ZNF791: variants seen among roughly 807,000 people sequenced by gnomAD.
The protein encoded by ZNF791 is zinc finger protein 791.
A neutral mutation model predicts 11.5 loss-of-function variants in ZNF791; 4 were observed. That is an observed-to-expected ratio of 0.35 (90% CI 0.17 to 0.80). The LOEUF (loss-of-function observed/expected upper bound fraction) is 0.80. Among genes scored for constraint, ZNF791 ranks in the 30% least tolerant of loss-of-function variants. The pLI, the probability that ZNF791 is intolerant of heterozygous loss-of-function variation, is 0.53. For missense variants in ZNF791, 559 were observed against 699.4 expected, an observed-to-expected ratio of 0.80 and a Z score of 2.26; for synonymous variants, 212 against 228.1, an observed-to-expected ratio of 0.93 and a Z score of 0.64.
chr19:12,614,892 C>CGTTTTTT (rs1191586602), intron 1 of ZNF791, among the ~76,000 whole-genome samples: 4 of 17,548 alleles, frequency 2.3e-4, no homozygotes, highest in Non-Finnish European at 3.9e-4. Flanking sequence ...TGCGTCCGGC[C>CGTTTTTT]TTTTTTTTTT....
chr19:12,612,182 A>G, intron 1 of ZNF791: 1 of 877,466 alleles, frequency 1.1e-6, no homozygotes, highest in Non-Finnish European at 1.4e-6. Flanking sequence ...TGCCATGGAA[A>G]TAATTAACTG....
chr19:12,622,368 A>T (rs28861834), intron 1 of ZNF791, among the ~76,000 whole-genome samples: 2 of 141,698 alleles, frequency 1.4e-5, no homozygotes, highest in South Asian at 2.1e-4. Flanking sequence ...AAATTAAAAA[A>T]AATAATAAAT....
intron 1 of ZNF791, among the ~76,000 whole-genome samples, chr19:12,622,457 C>T (rs1169264182): frequency 4.0e-5 from 5 of 125,914 alleles, no homozygotes; most frequent in Non-Finnish European, 8.2e-5. Context: ...AATCCCATAT[C>T]TTAAGGAATG....
intron 1 of ZNF791, among the ~76,000 whole-genome samples, chr19:12,614,040 C>T (rs920802760): frequency 2.6e-5 from 4 of 152,080 alleles, no homozygotes; most frequent in African/African-American, 9.7e-5. Context: ...AATTGGGGAG[C>T]TCATTTGCAT....
chr19:12,627,671 T>TA, intron 3 of ZNF791, 50 bp from the exon 4 acceptor site: 1 of 1,457,716 alleles, frequency 6.9e-7, no homozygotes, highest in Non-Finnish European at 9.3e-7. Context: ...ATAATACATA[T>TA]AAAATCATTA....
chr19:12,619,676 C>T (rs936796490), intron 1 of ZNF791, among the ~76,000 whole-genome samples: 23 of 151,478 alleles, frequency 1.5e-4, no homozygotes, highest in Admixed American at 2.6e-4. Flanking sequence ...CTCTCGATCT[C>T]CTGACCTCAT....
At chr19:12,625,584 A>G (rs542255550) in intron 3 of ZNF791, among the ~76,000 whole-genome samples, 11 of 150,920 alleles carry the variant, frequency 7.3e-5, no homozygotes, top group African/African-American at 2.7e-4. Context: ...CAGGAGATCA[A>G]GACCAGTCTG....
At chr19:12,622,362 TAAAA>T (rs777973482) in intron 1 of ZNF791, among the ~76,000 whole-genome samples, 1 of 71,734 alleles carries the variant, frequency 1.4e-5, no homozygotes, top group Admixed American at 1.7e-4. Context: ...AAAAATAAAT[TAAAA>T]AAAATAATAA....
At chr19:12,622,889 G>A (rs1457089690) in intron 1 of ZNF791, among the ~76,000 whole-genome samples, 3 of 115,302 alleles carry the variant, frequency 2.6e-5, no homozygotes, top group African/African-American at 9.6e-5. Context: ...GTGAGACTCC[G>A]TCTCAAAAAA....
intron 1 of ZNF791, among the ~76,000 whole-genome samples, chr19:12,617,939 C>CA (rs2023272000): frequency 8.5e-6 from 1 of 118,126 alleles, no homozygotes; most frequent in Admixed American, 1.0e-4. Flanking sequence ...TTTTTTGAGA[C>CA]AGAGTTTCGT....
At chr19:12,620,750 T>C (rs1244694006) in intron 1 of ZNF791, among the ~76,000 whole-genome samples, 4 of 138,062 alleles carry the variant, frequency 2.9e-5, no homozygotes, top group Admixed American at 7.6e-5. Context: ...AGGGGATTTA[T>C]GTTCTTTTTT....
intron 1 of ZNF791, 131 bp downstream of exon 1, chr19:12,611,213 C>A: frequency 8.0e-7 from 1 of 1,252,878 alleles, no homozygotes; most frequent in Non-Finnish European, 1.1e-6. Context: ...CCCGTCCCTG[C>A]GCGGCGACTG....
intron 2 of ZNF791, 45 bp from the exon 3 acceptor site, chr19:12,624,605 T>C: frequency 1.4e-6 from 2 of 1,397,348 alleles, no homozygotes; most frequent in Non-Finnish European, 2.0e-6. Context: ...AATATTTGTA[T>C]AATTTTTAAT....
intron 3 of ZNF791, among the ~76,000 whole-genome samples, chr19:12,625,449 A>G (rs933109704): frequency 2.6e-5 from 4 of 151,956 alleles, no homozygotes; most frequent in Non-Finnish European, 5.9e-5. Context: ...ATGTTTACCA[A>G]AAATGTTTTC....
chr19:12,624,509 TGTTCCGAG>T, intron 2 of ZNF791, 133 bp from the exon 3 acceptor site: 1 of 613,144 alleles, frequency 1.6e-6, no homozygotes, highest in Middle Eastern at 4.7e-4. Flanking sequence ...TCATAATCAC[TGTTCCGAG>T]ATTTGGAATC....
At chr19:12,626,281 C>T (rs1163498732) in intron 3 of ZNF791, among the ~76,000 whole-genome samples, 1 of 152,000 alleles carries the variant, frequency 6.6e-6, no homozygotes, top group African/African-American at 2.4e-5. Context: ...TCCCAAAGTG[C>T]TGGGATTACA....
rs566579920 is a variant in ZNF791 at position 12,623,533 on chromosome 19, G to A, written c.4-167G>A. ...TAGGACTTACAGTGACCACAGTGAAGATGTAGCTATAAGTTTATGTGTTCA... is the reference window on the plus strand; with the variant it reads ...TAGGACTTACAGTGACCACAGTGAAAATGTAGCTATAAGTTTATGTGTTCA... On this transcript the variant is annotated intron_variant, in intron 1 of 3. Transcript: ENST00000343325. The A allele has an allele frequency of 1.7e-5, 13 of 772,150 alleles. No homozygotes were observed. In the East Asian group the frequency reaches 2.4e-4, roughly 14 times the overall value. The allele number at this position is 772,150 out of a possible 1,614,324, so 47.8% of individuals were successfully genotyped here.
intron 1 of ZNF791, chr19:12,623,289 C>T (rs748493044): frequency 3.4e-5 from 6 of 176,270 alleles, no homozygotes; most frequent in Non-Finnish European, 7.2e-5. Context: ...TCCTGTAGTC[C>T]CAGCTACTCA....
At chr19:12,617,360 G>A (rs1007361810) in intron 1 of ZNF791, among the ~76,000 whole-genome samples, 10 of 151,946 alleles carry the variant, frequency 6.6e-5, no homozygotes, top group African/African-American at 2.2e-4. Flanking sequence ...TCCTGACCTC[G>A]TGATCCGCCC....
Sources: gnomAD v4.1 joint callset for allele counts (sites outside exome capture counted in the v4.1 genomes callset) on GRCh38, gnomAD v4.1.1 for gene constraint, MANE v1.5 for transcripts, NCBI Gene and HGNC (gene_info 2026-07-23, HGNC 2026-07-21) for gene names.